The following TRANK1 variants were observed in gnomAD, a reference collection of about 807,000 sequenced individuals.
The protein encoded by TRANK1 is TPR and ankyrin repeat-containing protein 1.
In TRANK1, 198 loss-of-function variants were observed where a neutral mutation model predicts 266.0. That is an observed-to-expected ratio of 0.74 (90% CI 0.66 to 0.84). The LOEUF (loss-of-function observed/expected upper bound fraction) is 0.84. TRANK1 is among the 40% of genes least tolerant of loss of function. The probability of loss-of-function intolerance (pLI) is 0.00; values close to 1 mark genes in which losing one functional copy is unlikely to be tolerated. For missense variants in TRANK1, 3,326 were observed against 3,634.6 expected (o/e 0.92, Z 2.18); for synonymous variants, 1,396 against 1,384.1 (o/e 1.01, Z -0.19).
Position 36,852,159 on chromosome 3 carries a change from A to T in TRANK1, c.4736T>A (p.Phe1579Tyr). 6.3e-7 allele frequency: 1 copy of T among 1,587,598 alleles called. No homozygotes were observed. Among genetic ancestry groups the T allele is most frequent in the Non-Finnish European group, 8.5e-7 (1 of 1,173,250 alleles). The part of the protein sequence containing the change: ...GNKRKTQPIE[F>Y]GAHQVILVAN... ...CAAGCAGCTCACCTGGTGGGCTCCAAATTCAATGGGCTGAGTTTTCCTTTT... is the reference window on the plus strand; with the variant it reads ...CAAGCAGCTCACCTGGTGGGCTCCATATTCAATGGGCTGAGTTTTCCTTTT... The change falls in exon 14 of 24, where the codon TTT (phenylalanine) becomes TAT (tyrosine). Residue 1579 changes from phenylalanine to tyrosine, a missense_variant. Physicochemically the swap from Phe to Tyr is conservative, Grantham distance 22 (BLOSUM62 3). Coordinates refer to ENST00000645898, the MANE Select transcript of TRANK1 (RefSeq NM_001329998.2).
chr3:36,856,944 A>T lies in TRANK1; in HGVS notation c.2778T>A (p.Cys926Ter), dbSNP rs2125544920. 1 of 1,612,020 alleles carries T rather than the reference A, an allele frequency of 6.2e-7. No individual in the cohort carries two copies. Among genetic ancestry groups the T allele is most frequent in the Non-Finnish European group, 8.5e-7 (1 of 1,179,296 alleles). The change falls in exon 13 of 24, where the codon TGT (cysteine) becomes TGA (stop). Residue 926 changes from cysteine (C) to a stop codon, truncating the protein, a stop_gained. Transcript: ENST00000645898. LOFTEE classifies it high-confidence loss of function. ...AGATCCGCCCTGATTTCTCCATTGC[A>T]CACGTGTTCTGCTCCGTGGCAATGA... ...EKIIATEQNT[C>*]AMEKSGRIYT...
rs775017647 is a variant in TRANK1, at chr3:36,857,271, C to G, written c.2451G>C (p.Trp817Cys). The part of the protein sequence containing the change: ...GKEGNDDQDD[W>C]STQEIEACLQ... ...GGCAGGCCTCAATCTCCTGCGTGCT[C>G]CAGTCATCCTGATCATCATTGCCCT... The change falls in exon 13 of 24, where the codon TGG becomes TGC. Residue 817 changes from tryptophan to cysteine, a missense_variant. Transcript: ENST00000645898. This position sits in a 1 kb window ranked among gnomAD's most constrained non-coding sequence, Gnocchi z 4.3. 6.2e-7 allele frequency: 1 copy of G among 1,611,048 alleles called. No individual in the cohort carries two copies. Among genetic ancestry groups the G allele is most frequent in the Non-Finnish European group, 8.5e-7 (1 of 1,178,446 alleles).
In TRANK1 at chr3:36,879,793, TATA is replaced by T. The variant is rs1218649128; in HGVS notation, c.908-5500_908-5498del. On this transcript the variant is annotated intron_variant, in intron 8 of 23. Coordinates refer to ENST00000645898, the MANE Select transcript of TRANK1 (RefSeq NM_001329998.2). ...ATAAATATATATAAATATGTAAATA[TATA>T]AATATACAAATATATGTAAATATAC... 1.2e-3 allele frequency among the ~76,000 whole-genome samples: 116 copies of T among 97,562 alleles called. 23 individuals are homozygous for T. The highest frequency in any genetic ancestry group is 1.6e-3 in the Admixed American group (15 of 9,198). The allele number at this position is 97,562 out of a possible 152,430, so 64.0% of individuals were successfully genotyped here.
At chr3:36,886,286 C>T (rs188992684) in intron 8 of TRANK1, among the ~76,000 whole-genome samples, 37 of 151,568 alleles carry the variant, frequency 2.4e-4, no homozygotes, top group Admixed American at 1.8e-3. Flanking sequence ...AGGTGCCCAC[C>T]ACCACTCCCA....
At chr3:36,866,097 A>AAAGAAAGAAAGG (rs1553622441) in intron 9 of TRANK1, among the ~76,000 whole-genome samples, 1 of 151,904 alleles carries the variant, frequency 6.6e-6, no homozygotes, top group African/African-American at 2.4e-5. Flanking sequence ...AGAAAGAAAG[A>AAAGAAAGAAAGG]AAGAAAGAAA....
At chr3:36,868,706 C>T (rs2079262353) in intron 9 of TRANK1, among the ~76,000 whole-genome samples, 1 of 152,112 alleles carries the variant, frequency 6.6e-6, no homozygotes, top group South Asian at 2.1e-4. Context: ...AGTTTCTTTT[C>T]TACATTTCAT....
intron 1 of TRANK1, among the ~76,000 whole-genome samples, chr3:36,909,711 A>G (rs1352002874): frequency 6.6e-6 from 1 of 152,230 alleles, no homozygotes; most frequent in Non-Finnish European, 1.5e-5. Flanking sequence ...CCAAGCACAC[A>G]TAAGTGGTGA....
chr3:36,879,983 C>T, intron 8 of TRANK1, among the ~76,000 whole-genome samples: 1 of 16,474 alleles, frequency 6.1e-5, no homozygotes, highest in Admixed American at 9.3e-4. Flanking sequence ...TGTAAACATG[C>T]AAATATATGT....
At chr3:36,900,343 T>C (rs1014922812) in intron 3 of TRANK1, among the ~76,000 whole-genome samples, 2 of 152,170 alleles carry the variant, frequency 1.3e-5, no homozygotes, top group African/African-American at 4.8e-5. Context: ...AGAAAACAAA[T>C]TGTAATGACA....
intron 9 of TRANK1, among the ~76,000 whole-genome samples, chr3:36,870,962 T>TAGAAAAA (rs2079299030): frequency 1.5e-5 from 1 of 65,102 alleles, no homozygotes; most frequent in African/African-American, 5.8e-5. Context: ...ACAAGGAAAC[T>TAGAAAAA]AAAAAAAAAA....
chr3:36,831,152 G>A lies in TRANK1; in HGVS notation c.8431C>T (p.Gln2811Ter). 6.2e-7 allele frequency: 1 copy of A among 1,613,948 alleles called. No homozygotes were observed. Among genetic ancestry groups the A allele is most frequent in the Non-Finnish European group, 8.5e-7 (1 of 1,179,876 alleles). Residue 2811 changes from glutamine (Q) to a stop codon, truncating the protein, a stop_gained, in exon 22 of 24, where the codon CAG becomes TAG. Transcript: ENST00000645898. LOFTEE classifies it high-confidence loss of function. This position sits in a 1 kb window ranked among gnomAD's most constrained non-coding sequence, Gnocchi z 5.0. ...SRAELEREEC[Q>*]ERNSESYEQH... is the part of the protein sequence containing the mutation. Reference sequence around the variant, plus strand: ...TCGTAAGACTCGCTGTTCCTCTCCTGACACTCCTCCCTTTCCAGCTCAGCC... The same window carrying A: ...TCGTAAGACTCGCTGTTCCTCTCCTAACACTCCTCCCTTTCCAGCTCAGCC...
intron 1 of TRANK1, among the ~76,000 whole-genome samples, chr3:36,937,447 T>C (rs1036406533): frequency 4.6e-5 from 7 of 152,168 alleles, no homozygotes; most frequent in Non-Finnish European, 1.0e-4. Flanking sequence ...GAAATAGATT[T>C]ACACAAAATG....
At chr3:36,909,339 G>A (rs1376460803) in intron 1 of TRANK1, among the ~76,000 whole-genome samples, 1 of 152,218 alleles carries the variant, frequency 6.6e-6, no homozygotes, top group Non-Finnish European at 1.5e-5. Context: ...GGTGGTTGGA[G>A]AGAACTGCCT....
At chr3:36,860,867 T>C (rs1177733060) in intron 11 of TRANK1, 39 bp downstream of exon 11, 1 of 1,532,846 alleles carries the variant, frequency 6.5e-7, no homozygotes, top group Non-Finnish European at 8.7e-7. Context: ...GTGGAGAATG[T>C]GGACAAGTCT....
At chr3:36,925,390 T>A (rs182360196) in intron 1 of TRANK1, among the ~76,000 whole-genome samples, 1 of 152,160 alleles carries the variant, frequency 6.6e-6, no homozygotes, top group East Asian at 1.9e-4. Flanking sequence ...CTCTTTTTTT[T>A]CTGTCTGCTT....
rs147165069 is a variant in TRANK1, at chr3:36,858,275, G to T, written c.1673-226C>A. 4.1e-3 allele frequency among the ~76,000 whole-genome samples: 627 copies of T among 152,296 alleles called. 7 individuals are homozygous for T. The highest frequency in any genetic ancestry group is 0.01 in the Middle Eastern group (3 of 294). On this transcript the variant is annotated intron_variant, in intron 12 of 23. Transcript: ENST00000645898. Reference sequence around the variant, plus strand: ...ACATTTTTTATTGTCACAGCTAGGGGAGTGTCACTGGCAGCTAGCAGGTGG... The same window carrying T: ...ACATTTTTTATTGTCACAGCTAGGGTAGTGTCACTGGCAGCTAGCAGGTGG...
At chr3:36,933,664 A>G (rs923369808) in intron 1 of TRANK1, among the ~76,000 whole-genome samples, 5 of 152,230 alleles carry the variant, frequency 3.3e-5, no homozygotes, top group Admixed American at 6.5e-5. Context: ...GTTTCAGGTT[A>G]ATGGGATATG....
chr3:36,880,089 TATATAAATATATATAA>T (rs2079505711), intron 8 of TRANK1: 2 of 107,376 alleles, frequency 1.9e-5, no homozygotes, highest in East Asian at 3.1e-4. Context: ...TATATAAACA[TATATAAATATATATAA>T]ACATATATAA....
intron 8 of TRANK1, chr3:36,880,709 T>G (rs2079517838): frequency 6.5e-6 from 1 of 154,606 alleles, no homozygotes; most frequent in African/African-American, 2.4e-5. Flanking sequence ...TTGTTTGCAA[T>G]GTAGTTTAAT....
Sources: allele counts gnomAD v4.1 joint callset (sites outside exome capture counted in the v4.1 genomes callset), GRCh38; gene constraint gnomAD v4.1.1; non-coding constraint Gnocchi (gnomAD v3.1); transcripts MANE v1.5; gene names NCBI Gene and HGNC (gene_info 2026-07-23, HGNC 2026-07-21).